The following MAGI2 variants were observed in gnomAD, a reference collection of about 807,000 sequenced individuals.
MAGI2 encodes the protein membrane-associated guanylate kinase, WW and PDZ domain-containing protein 2.
MAGI2 carries 35 observed loss-of-function variants against 133.3 expected under a neutral mutation model. That is an observed-to-expected ratio of 0.26 (90% CI 0.20 to 0.35). The LOEUF (loss-of-function observed/expected upper bound fraction) is 0.35, where lower values mean the gene tolerates loss of function less well. Ranked by LOEUF, MAGI2 falls within the 10% of genes least tolerant of loss-of-function variation. The probability of loss-of-function intolerance (pLI) is 1.00; values close to 1 mark genes in which losing one functional copy is unlikely to be tolerated. For synonymous variants in MAGI2, 729 were observed against 710.6 expected, an observed-to-expected ratio of 1.03 and a Z score of -0.41; for missense variants, 1,636 against 1,863.4, an observed-to-expected ratio of 0.88 and a Z score of 2.25.
chr7:78,779,380 T>C (rs148680160), intron 2 of MAGI2, among the ~76,000 whole-genome samples: 1 of 152,328 alleles, frequency 6.6e-6, no homozygotes, highest in African/African-American at 2.4e-5. Flanking sequence ...ATCTAAATTT[T>C]AGTCAAGTGA....
intron 2 of MAGI2, among the ~76,000 whole-genome samples, chr7:78,936,938 T>A (rs1033482128): frequency 6.6e-6 from 1 of 152,016 alleles, no homozygotes; most frequent in Non-Finnish European, 1.5e-5. Context: ...TCTAGCTCTA[T>A]ATACTGAAAG....
chr7:79,178,478 G>A (rs765131582), intron 1 of MAGI2, among the ~76,000 whole-genome samples: 4 of 151,848 alleles, frequency 2.6e-5, no homozygotes, highest in Non-Finnish European at 4.4e-5. Context: ...TTGGGAGGCC[G>A]AGATGTGTGG....
chr7:78,520,172 C>T (rs1563115295), intron 4 of MAGI2, among the ~76,000 whole-genome samples: 1 of 152,110 alleles, frequency 6.6e-6, no homozygotes, highest in Non-Finnish European at 1.5e-5. Context: ...GGAGGTTGTC[C>T]TCCTCTGAGT....
chr7:78,017,440 A>G lies in MAGI2; in HGVS notation c.*1875T>C, dbSNP rs763669155. ...TCCTTTTGTAATACATGGAAAATAA[A>G]GTCAGAGGATACAGTACCAGGACGT... On this transcript the variant is annotated 3_prime_UTR_variant, in exon 22 of 22. Coordinates refer to ENST00000354212, the MANE Select transcript of MAGI2 (RefSeq NM_012301.4). 6 of 152,528 alleles carry G rather than the reference A, an allele frequency of 3.9e-5. No individual in the cohort carries two copies. Among genetic ancestry groups the G allele is most frequent in the Non-Finnish European group, 7.3e-5 (5 of 68,036 alleles). The allele number at this position is 152,528 out of a possible 1,614,324, so 9.4% of individuals were successfully genotyped here. A position where few individuals can be genotyped will look rare whatever the true frequency, so the allele number is the denominator to read the frequency against.
intron 1 of MAGI2, among the ~76,000 whole-genome samples, chr7:79,227,994 G>C (rs987372416): frequency 1.3e-5 from 2 of 152,190 alleles, no homozygotes; most frequent in South Asian, 4.2e-4. Context: ...TGTGGCCAGG[G>C]TAAAGCTAAA....
intron 1 of MAGI2, among the ~76,000 whole-genome samples, chr7:79,110,930 TG>T (rs1190833125): frequency 1.3e-5 from 2 of 152,162 alleles, no homozygotes; most frequent in Non-Finnish European, 2.9e-5. Flanking sequence ...CATACCCTCT[TG>T]TTCCTGCTTT....
At chr7:78,187,548 T>G (rs1827805449) in intron 12 of MAGI2, among the ~76,000 whole-genome samples, 1 of 152,160 alleles carries the variant, frequency 6.6e-6, no homozygotes, top group Admixed American at 6.6e-5. Context: ...AAGACCAAAG[T>G]CTGGTTGCTT....
chr7:78,638,064 A>G (rs1401500625), intron 2 of MAGI2, among the ~76,000 whole-genome samples: 2 of 152,086 alleles, frequency 1.3e-5, no homozygotes, highest in African/African-American at 4.8e-5. Context: ...CCCTGTTTCA[A>G]GAAAAAAATA....
intron 2 of MAGI2, among the ~76,000 whole-genome samples, chr7:78,978,519 G>A (rs985429879): frequency 4.0e-5 from 6 of 151,776 alleles, no homozygotes; most frequent in African/African-American, 1.5e-4. Flanking sequence ...TAGGTGAAAC[G>A]CAGGAAGAGT....
chr7:79,222,919 C>G (rs1830554274), intron 1 of MAGI2, among the ~76,000 whole-genome samples: 1 of 152,056 alleles, frequency 6.6e-6, no homozygotes, highest in South Asian at 2.1e-4. Flanking sequence ...GAGTCTCACT[C>G]TGTCGCCCAG....
intron 16 of MAGI2, among the ~76,000 whole-genome samples, chr7:78,150,714 C>G (rs1823784939): frequency 6.6e-6 from 1 of 152,202 alleles, no homozygotes; most frequent in Non-Finnish European, 1.5e-5. Context: ...CCACCTTATG[C>G]TGCTGCCTGG....
intron 6 of MAGI2, among the ~76,000 whole-genome samples, chr7:78,415,502 GC>G (rs532411488): frequency 2.7e-4 from 41 of 152,092 alleles, no homozygotes; most frequent in African/African-American, 9.2e-4. Flanking sequence ...TTTACATAAT[GC>G]CCCCAGGTCA....
At chr7:78,127,101 C>G in intron 19 of MAGI2, 96 bp downstream of exon 19, 1 of 984,444 alleles carries the variant, frequency 1.0e-6, no homozygotes, top group Non-Finnish European at 1.5e-6. Flanking sequence ...CTCTCCATCC[C>G]AGACAGGTAC....
At chr7:79,219,741 T>C (rs1585235286) in intron 1 of MAGI2, among the ~76,000 whole-genome samples, 2 of 150,256 alleles carry the variant, frequency 1.3e-5, no homozygotes, top group South Asian at 2.1e-4. Flanking sequence ...TAATTCAAGA[T>C]ATTTTTACAT....
chr7:79,453,429 C>G lies in MAGI2; in HGVS notation c.-109G>C. ...GGGGCCCAGGGGGAAGAACAGCAGA[C>G]TTTGCCTTCGCCCCCCTCTATTCGG... On this transcript the variant is annotated 5_prime_UTR_variant, in exon 1 of 22. Transcript: ENST00000354212. 6.7e-7 allele frequency: 1 copy of G among 1,499,864 alleles called. No individual in the cohort carries two copies. The highest frequency in any genetic ancestry group is 1.4e-5 in the South Asian group (1 of 73,048). The allele number at this position is 1,499,864 out of a possible 1,614,324, so 92.9% of individuals were successfully genotyped here.
chr7:78,130,546 T>C (rs886134293), intron 18 of MAGI2, among the ~76,000 whole-genome samples: 2 of 152,170 alleles, frequency 1.3e-5, no homozygotes, highest in African/African-American at 2.4e-5. Context: ...TTAAATGCAA[T>C]TGGGAAAAAT....
At chr7:78,546,881 G>T (rs753429756) in intron 3 of MAGI2, among the ~76,000 whole-genome samples, 7 of 152,138 alleles carry the variant, frequency 4.6e-5, no homozygotes, top group Non-Finnish European at 1.0e-4. Flanking sequence ...ATGGGATGTT[G>T]CTTACTTTTG....
At chr7:78,791,000 A>G (rs1827200658) in intron 2 of MAGI2, among the ~76,000 whole-genome samples, 1 of 152,242 alleles carries the variant, frequency 6.6e-6, no homozygotes, top group Non-Finnish European at 1.5e-5. Context: ...CTATAAAACA[A>G]GAAGATTAAA....
chr7:79,377,357 A>T (rs1423714036), intron 1 of MAGI2, among the ~76,000 whole-genome samples: 2 of 151,848 alleles, frequency 1.3e-5, no homozygotes, highest in Non-Finnish European at 2.9e-5. Flanking sequence ...GTCTTGTGAA[A>T]TGATGGCCTC....
Sources: allele counts gnomAD v4.1 joint callset (sites outside exome capture counted in the v4.1 genomes callset), GRCh38; gene constraint gnomAD v4.1.1; transcripts MANE v1.5; gene names NCBI Gene and HGNC (gene_info 2026-07-23, HGNC 2026-07-21).